The following ATG10 variants were observed in gnomAD, a reference collection of about 807,000 sequenced individuals.
ATG10 encodes ubiquitin-like-conjugating enzyme ATG10.
ATG10 carries 30 observed loss-of-function variants against 32.1 expected under a neutral mutation model. That is an observed-to-expected ratio of 0.94 (90% CI 0.70 to 1.27). The LOEUF (loss-of-function observed/expected upper bound fraction) is 1.27. ATG10 is among the 50% of genes most tolerant of loss of function. ATG10 has a pLI of 0.00. For synonymous variants in ATG10, 87 were observed against 91.5 expected, an observed-to-expected ratio of 0.95 and a Z score of 0.28; for missense variants, 233 against 262.3, an observed-to-expected ratio of 0.89 and a Z score of 0.77.
At chr5:82,020,812 C>T (rs1762413535) in intron 2 of ATG10, among the ~76,000 whole-genome samples, 1 of 152,130 alleles carries the variant, frequency 6.6e-6, no homozygotes, top group Non-Finnish European at 1.5e-5. Flanking sequence ...TGCGAGAAGG[C>T]AATACCAAAG....
At chr5:82,104,876 T>C (rs1765395911) in intron 3 of ATG10, among the ~76,000 whole-genome samples, 1 of 152,162 alleles carries the variant, frequency 6.6e-6, no homozygotes, top group Admixed American at 6.6e-5. Flanking sequence ...TAAAGTTATA[T>C]TCATTTAAAT....
chr5:82,244,881 C>T (rs570196866), intron 5 of ATG10, among the ~76,000 whole-genome samples: 2 of 152,274 alleles, frequency 1.3e-5, no homozygotes, highest in East Asian at 1.9e-4. Context: ...TCTGGAGTTA[C>T]AGAGATAGAA....
intron 3 of ATG10, among the ~76,000 whole-genome samples, chr5:82,139,843 G>T (rs1175185814): frequency 7.0e-6 from 1 of 142,970 alleles, no homozygotes; most frequent in Non-Finnish European, 1.5e-5. Context: ...GGGAGATGGG[G>T]GGGTCAGCCC....
At chr5:82,139,041 G>C (rs1377800563) in intron 3 of ATG10, among the ~76,000 whole-genome samples, 1 of 150,148 alleles carries the variant, frequency 6.7e-6, no homozygotes, top group Non-Finnish European at 1.5e-5. Context: ...ACGGGGTTTC[G>C]CTGTGTTGGC....
intron 2 of ATG10, among the ~76,000 whole-genome samples, chr5:82,042,705 A>G (rs1472168668): frequency 6.6e-6 from 1 of 152,230 alleles, no homozygotes; most frequent in Admixed American, 6.5e-5. Context: ...AAGGGGCTAC[A>G]GTCCCCATGC....
chr5:82,154,013 C>T (rs2149885100), intron 3 of ATG10, among the ~76,000 whole-genome samples: 1 of 151,692 alleles, frequency 6.6e-6, no homozygotes, highest in African/African-American at 2.4e-5. Context: ...ATCCTCCTGC[C>T]TCAGCCTCCC....
intron 3 of ATG10, among the ~76,000 whole-genome samples, chr5:82,115,700 A>G (rs752689423): frequency 3.3e-5 from 5 of 152,038 alleles, no homozygotes; most frequent in Non-Finnish European, 5.9e-5. Context: ...TTGGCAAGTT[A>G]TTTTGCACAT....
intron 3 of ATG10, among the ~76,000 whole-genome samples, chr5:82,074,875 T>A (rs1313768489): frequency 6.6e-6 from 1 of 152,190 alleles, no homozygotes; most frequent in Non-Finnish European, 1.5e-5. Flanking sequence ...CAGAAGCACC[T>A]TTTTTCTCTG....
intron 2 of ATG10, among the ~76,000 whole-genome samples, chr5:82,003,370 C>T (rs1483917704): frequency 6.6e-6 from 1 of 152,174 alleles, no homozygotes; most frequent in Non-Finnish European, 1.5e-5. Context: ...GCAGGAATGG[C>T]TGACTCCAGG....
chr5:82,195,055 CATT>C (rs1315078102), intron 5 of ATG10, among the ~76,000 whole-genome samples: 1 of 152,220 alleles, frequency 6.6e-6, no homozygotes, highest in Non-Finnish European at 1.5e-5. Flanking sequence ...ACTCTTGTCT[CATT>C]GTTGCCTGGC....
intron 2 of ATG10, among the ~76,000 whole-genome samples, chr5:82,054,160 A>G (rs985927228): frequency 2.6e-5 from 4 of 152,128 alleles, no homozygotes; most frequent in Admixed American, 6.6e-5. Flanking sequence ...TTCTGACTTA[A>G]TTGGTCTGAG....
At chr5:82,003,888 G>A (rs540665091) in intron 2 of ATG10, among the ~76,000 whole-genome samples, 40 of 152,144 alleles carry the variant, frequency 2.6e-4, no homozygotes, top group Admixed American at 2.2e-3. Context: ...GCCTGTAATC[G>A]CAGCACTTTG....
At chr5:81,982,488 A>G (rs1381013679) in intron 1 of ATG10, among the ~76,000 whole-genome samples, 2 of 152,118 alleles carry the variant, frequency 1.3e-5, no homozygotes, top group African/African-American at 4.8e-5. Context: ...ACTTTATGAC[A>G]TGAGGAGCGC....
At chr5:82,141,970 A>C (rs1054130607) in intron 3 of ATG10, among the ~76,000 whole-genome samples, 2 of 152,190 alleles carry the variant, frequency 1.3e-5, no homozygotes, top group Admixed American at 1.3e-4. Flanking sequence ...AAGAAGCTTA[A>C]ATTTTATAAA....
intron 2 of ATG10, among the ~76,000 whole-genome samples, chr5:81,992,904 T>C (rs1761502803): frequency 6.7e-6 from 1 of 149,568 alleles, no homozygotes; most frequent in Admixed American, 6.7e-5. Flanking sequence ...TATCTGGAGC[T>C]ATACAGAATA....
chr5:82,153,824 C>T (rs1019504747), intron 3 of ATG10, among the ~76,000 whole-genome samples: 1 of 151,692 alleles, frequency 6.6e-6, no homozygotes, highest in Non-Finnish European at 1.5e-5. Context: ...TATATTAGGA[C>T]ATAATATCTA....
At chr5:82,053,421 TG>T (rs1270657130) in intron 2 of ATG10, among the ~76,000 whole-genome samples, 10 of 151,790 alleles carry the variant, frequency 6.6e-5, no homozygotes, top group Non-Finnish European at 1.3e-4. Context: ...GAGCTACAAA[TG>T]CTTTTTCACA....
chr5:82,018,534 C>T (rs1001729329), intron 2 of ATG10, among the ~76,000 whole-genome samples: 2 of 152,112 alleles, frequency 1.3e-5, no homozygotes, highest in Non-Finnish European at 2.9e-5. Flanking sequence ...GTGCAGTTTG[C>T]TTCCTTCTCC....
intron 3 of ATG10, among the ~76,000 whole-genome samples, chr5:82,112,734 A>C (rs1765657777): frequency 6.6e-6 from 1 of 151,864 alleles, no homozygotes; most frequent in South Asian, 2.1e-4. Flanking sequence ...GGTTTGTGAT[A>C]ATTGATCCAT....
Sources: gnomAD v4.1 joint callset for allele counts (sites outside exome capture counted in the v4.1 genomes callset) on GRCh38, gnomAD v4.1.1 for gene constraint, MANE v1.5 for transcripts, NCBI Gene and HGNC (gene_info 2026-07-23, HGNC 2026-07-21) for gene names.